FBXL13: variants seen among roughly 807,000 people sequenced by gnomAD.
The protein encoded by FBXL13 is F-box and leucine rich repeat protein 13.
FBXL13 carries 67 observed loss-of-function variants against 83.6 expected under a neutral mutation model. That is an observed-to-expected ratio of 0.80 (90% CI 0.66 to 0.98). FBXL13 has a LOEUF of 0.98. Among genes scored for constraint, FBXL13 ranks in the 50% least tolerant of loss-of-function variants. The pLI, the probability that FBXL13 is intolerant of heterozygous loss-of-function variation, is 0.00. For missense variants in FBXL13, 822 were observed against 866.5 expected, an observed-to-expected ratio of 0.95 and a Z score of 0.64; for synonymous variants, 272 against 299.5, an observed-to-expected ratio of 0.91 and a Z score of 0.95.
exon 20 of FBXL13, chr7:102,813,524 C>A: frequency 6.2e-7 from 1 of 1,613,700 alleles, no homozygotes; most frequent in Non-Finnish European, 8.5e-7. Context: ...ATTCTTTGAG[C>A]TGCCTTCCTG....
chr7:103,040,592 G>T (rs551650681), intron 2 of FBXL13, among the ~76,000 whole-genome samples: 1 of 152,126 alleles, frequency 6.6e-6, no homozygotes, highest in East Asian at 1.9e-4. Flanking sequence ...CTCCTCACCA[G>T]ATGTAAAAGA....
chr7:102,960,269 C>T (rs1824969695), intron 8 of FBXL13, among the ~76,000 whole-genome samples: 1 of 151,934 alleles, frequency 6.6e-6, no homozygotes, highest in Admixed American at 6.6e-5. Flanking sequence ...ATACACTCTC[C>T]CAAGACTAAA....
intron 6 of FBXL13, among the ~76,000 whole-genome samples, chr7:102,972,872 T>G (rs1399034319): frequency 6.6e-6 from 1 of 152,114 alleles, no homozygotes; most frequent in Non-Finnish European, 1.5e-5. Context: ...CTTTAATGTT[T>G]TTCCCCCAAT....
At chr7:102,945,367 T>C (rs1331942854) in intron 8 of FBXL13, among the ~76,000 whole-genome samples, 1 of 152,178 alleles carries the variant, frequency 6.6e-6, no homozygotes, top group Non-Finnish European at 1.5e-5. Context: ...TTGAGCAGGG[T>C]TCATACTGGG....
chr7:102,883,922 GA>G (rs1810448561), intron 12 of FBXL13, among the ~76,000 whole-genome samples: 2 of 151,982 alleles, frequency 1.3e-5, no homozygotes. Context: ...ATGGACTACT[GA>G]AAAAAATTAC....
chr7:102,848,688 T>C (rs568688649), intron 17 of FBXL13, among the ~76,000 whole-genome samples: 3 of 148,724 alleles, frequency 2.0e-5, no homozygotes, highest in Non-Finnish European at 4.4e-5. Context: ...GCAAACCAGA[T>C]TAAGAGTATA....
At chr7:103,024,528 CAAAAAAAAAAA>C (rs11318355) in intron 6 of FBXL13, among the ~76,000 whole-genome samples, 2 of 46,788 alleles carry the variant, frequency 4.3e-5, no homozygotes, top group African/African-American at 1.8e-4. Flanking sequence ...AACTCCATCT[CAAAAAAAAAAA>C]AAAAAAAAAA....
intron 8 of FBXL13, chr7:102,936,214 C>G (rs1411331338): frequency 2.6e-5 from 4 of 152,212 alleles, no homozygotes; most frequent in African/African-American, 9.7e-5. Flanking sequence ...CTCCAGGTAC[C>G]CACACACGCA....
chr7:102,952,960 G>C (rs1823648727), intron 8 of FBXL13, among the ~76,000 whole-genome samples: 1 of 152,004 alleles, frequency 6.6e-6, no homozygotes, highest in South Asian at 2.1e-4. Flanking sequence ...CTCCAGCCTG[G>C]GTGACAGAGT....
intron 8 of FBXL13, among the ~76,000 whole-genome samples, chr7:102,957,566 G>A (rs552036912): frequency 5.4e-4 from 82 of 151,932 alleles, no homozygotes; most frequent in African/African-American, 1.9e-3. Flanking sequence ...GCTTCTGCAC[G>A]GGAAAAAAAC....
intron 6 of FBXL13, among the ~76,000 whole-genome samples, chr7:102,970,157 G>A (rs1162665042): frequency 6.6e-6 from 1 of 151,480 alleles, no homozygotes; most frequent in Admixed American, 6.6e-5. Context: ...AGGCTGAGAC[G>A]GGAGAATTGT....
chr7:102,834,094 G>GGAAGGA (rs1261823399), intron 17 of FBXL13, among the ~76,000 whole-genome samples: 883 of 86,602 alleles, frequency 0.01, 31 homozygotes, highest in East Asian at 0.028. Context: ...AGAAAAGAAA[G>GGAAGGA]AAAGAAAGAA....
intron 19 of FBXL13, among the ~76,000 whole-genome samples, chr7:102,818,428 A>C (rs1347003562): frequency 6.6e-6 from 1 of 152,208 alleles, no homozygotes; most frequent in Non-Finnish European, 1.5e-5. Flanking sequence ...AATATCTGTA[A>C]AATAGGATTT....
intron 2 of FBXL13, among the ~76,000 whole-genome samples, chr7:103,035,521 T>G (rs1283462278): frequency 6.6e-6 from 1 of 152,196 alleles, no homozygotes; most frequent in Non-Finnish European, 1.5e-5. Flanking sequence ...GATACCAAAT[T>G]TATGGCTCTT....
chr7:102,923,858 A>C (rs901798323), intron 10 of FBXL13, among the ~76,000 whole-genome samples: 18 of 152,100 alleles, frequency 1.2e-4, no homozygotes, highest in African/African-American at 4.1e-4. Context: ...AATTTTAGAT[A>C]TATAAGAAGG....
intron 16 of FBXL13, among the ~76,000 whole-genome samples, chr7:102,856,780 A>C (rs1021364267): frequency 6.6e-6 from 1 of 152,224 alleles, no homozygotes; most frequent in Non-Finnish European, 1.5e-5. Flanking sequence ...TGGAACTCTC[A>C]TATACTGCTA....
At chr7:103,017,761 A>G (rs1259814572) in intron 6 of FBXL13, among the ~76,000 whole-genome samples, 2 of 149,944 alleles carry the variant, frequency 1.3e-5, no homozygotes, top group Admixed American at 6.6e-5. Flanking sequence ...AAGTGAGAAG[A>G]CAAGTTTAGA....
intron 8 of FBXL13, among the ~76,000 whole-genome samples, chr7:102,952,604 A>G (rs1563141442): frequency 6.6e-6 from 1 of 152,210 alleles, no homozygotes; most frequent in Non-Finnish European, 1.5e-5. Context: ...GCCTAGAAAC[A>G]CATGAACTAC....
chr7:102,827,335 G>T (rs963113395), intron 18 of FBXL13, among the ~76,000 whole-genome samples: 2 of 152,108 alleles, frequency 1.3e-5, no homozygotes, highest in Admixed American at 1.3e-4. Context: ...CAACCCTGGG[G>T]CCAACCACTG....
Sources: allele counts gnomAD v4.1 joint callset (sites outside exome capture counted in the v4.1 genomes callset), GRCh38; gene constraint gnomAD v4.1.1; transcripts MANE v1.5; gene names NCBI Gene and HGNC (gene_info 2026-07-23, HGNC 2026-07-21).